OIT3: variants seen among roughly 807,000 people sequenced by gnomAD.
OIT3 encodes the protein oncoprotein-induced transcript 3 protein.
In OIT3, 41 loss-of-function variants were observed where a neutral mutation model predicts 52.2. That is an observed-to-expected ratio of 0.79 (90% CI 0.61 to 1.02). OIT3 has a LOEUF of 1.02. Among genes scored for constraint, OIT3 ranks in the 50% least tolerant of loss-of-function variants. The pLI is 0.00. For missense variants in OIT3, 634 were observed against 715.5 expected, an observed-to-expected ratio of 0.89 and a Z score of 1.30; for synonymous variants, 244 against 276.9, an observed-to-expected ratio of 0.88 and a Z score of 1.18.
At chr10:72,905,260 C>T (rs904336242) in intron 3 of OIT3, among the ~76,000 whole-genome samples, 5 of 152,150 alleles carry the variant, frequency 3.3e-5, no homozygotes, top group Middle Eastern at 3.2e-3. Context: ...CACTTGAGGT[C>T]AGGAGTTCAT....
At chr10:72,930,764 G>C in intron 8 of OIT3, 127 bp downstream of exon 8, 1 of 635,396 alleles carries the variant, frequency 1.6e-6, no homozygotes, top group South Asian at 2.0e-5. Flanking sequence ...GAGAAAAACA[G>C]AGAAACTGGC....
At chr10:72,922,494 T>G (rs1339379173) in intron 6 of OIT3, among the ~76,000 whole-genome samples, 2 of 152,174 alleles carry the variant, frequency 1.3e-5, no homozygotes, top group African/African-American at 4.8e-5. Flanking sequence ...TGCAATTGCA[T>G]TATGAAATTC....
At chr10:72,894,742 G>A (rs1845859567) in intron 1 of OIT3, among the ~76,000 whole-genome samples, 1 of 152,090 alleles carries the variant, frequency 6.6e-6, no homozygotes, top group African/African-American at 2.4e-5. Flanking sequence ...AAAAAAATTA[G>A]ATGGTCATGG....
At chr10:72,918,632 A>G (rs1256730329) in intron 6 of OIT3, 8 of 671,112 alleles carry the variant, frequency 1.2e-5, no homozygotes, top group Non-Finnish European at 2.1e-5. Flanking sequence ...ACACCAGGGT[A>G]CACTTAAGTT....
chr10:72,921,307 G>A (rs1846119360), intron 6 of OIT3, among the ~76,000 whole-genome samples: 1 of 152,210 alleles, frequency 6.6e-6, no homozygotes, highest in Admixed American at 6.5e-5. Flanking sequence ...TTGAGCCTAT[G>A]TGTATTTTTG....
At chr10:72,928,877 T>C (rs1230243597) in intron 7 of OIT3, among the ~76,000 whole-genome samples, 1 of 152,174 alleles carries the variant, frequency 6.6e-6, no homozygotes, top group Non-Finnish European at 1.5e-5. Flanking sequence ...TGGATTTTTT[T>C]AGGTGCACCA....
intron 4 of OIT3, among the ~76,000 whole-genome samples, chr10:72,908,313 G>C (rs1845998475): frequency 6.6e-6 from 1 of 152,098 alleles, no homozygotes; most frequent in Non-Finnish European, 1.5e-5. Flanking sequence ...TATATGGAGA[G>C]ATAAATGGTG....
At chr10:72,904,740 T>A (rs1227130817) in intron 3 of OIT3, among the ~76,000 whole-genome samples, 1 of 152,202 alleles carries the variant, frequency 6.6e-6, no homozygotes, top group African/African-American at 2.4e-5. Flanking sequence ...TCACAGTGGA[T>A]CATCCCTCAT....
At chr10:72,917,250 A>G (rs1425120110) in intron 6 of OIT3, among the ~76,000 whole-genome samples, 1 of 151,230 alleles carries the variant, frequency 6.6e-6, no homozygotes, top group African/African-American at 2.4e-5. Flanking sequence ...CTCTGTCTCC[A>G]ATGGTACTGC....
chr10:72,928,389 A>G (rs934211504), intron 7 of OIT3, among the ~76,000 whole-genome samples: 1 of 152,214 alleles, frequency 6.6e-6, no homozygotes, highest in African/African-American at 2.4e-5. Context: ...GTCTAGTCAC[A>G]GCAAACCCCA....
At chr10:72,896,992 C>T (rs1845880446) in intron 1 of OIT3, among the ~76,000 whole-genome samples, 1 of 152,158 alleles carries the variant, frequency 6.6e-6, no homozygotes, top group South Asian at 2.1e-4. Context: ...GTTCTTTAGT[C>T]ATTAAAATGT....
rs1387407803 is a variant in OIT3, at chr10:72,913,455, G to A, written c.938G>A (p.Gly313Asp). The A allele has an allele frequency of 1.9e-6, 3 of 1,607,982 alleles. No homozygotes were observed. The Admixed American group carries it at 5.0e-5, about 27-fold the overall frequency. Reference protein sequence around the residue: ...VNILFSLKTCGTVVDVVNDKI... With the variant: ...VNILFSLKTCDTVVDVVNDKI... Reference sequence around the variant, plus strand: ...ATCCTCTTCTCTCTCAAGACATGTGGTACAGTGGTCGATGTAGGTTCCTCC... The same window carrying A: ...ATCCTCTTCTCTCTCAAGACATGTGATACAGTGGTCGATGTAGGTTCCTCC... Residue 313 changes from glycine to aspartate, a missense_variant, in exon 6 of 9, where the codon GGT becomes GAT. Coordinates refer to ENST00000334011, the MANE Select transcript of OIT3 (RefSeq NM_152635.3).
chr10:72,908,786 CAGA>C (rs1361009185), intron 4 of OIT3, among the ~76,000 whole-genome samples: 4 of 151,886 alleles, frequency 2.6e-5, no homozygotes, highest in Non-Finnish European at 4.4e-5. Context: ...AATATTTTAG[CAGA>C]AGATGAAAAT....
chr10:72,915,424 C>T (rs1846064334), intron 6 of OIT3, among the ~76,000 whole-genome samples: 1 of 152,126 alleles, frequency 6.6e-6, no homozygotes, highest in Non-Finnish European at 1.5e-5. Context: ...AAGTATTGCT[C>T]CTAGGGGAAA....
At chr10:72,900,251 G>A (rs1203280730) in intron 2 of OIT3, 126 bp from the exon 3 acceptor site, 4 of 614,226 alleles carry the variant, frequency 6.5e-6, no homozygotes, top group Middle Eastern at 2.6e-4. Flanking sequence ...GAGCCCAGGG[G>A]TTCGAGGCCA....
At position 72,898,983 on chromosome 10, in the gene OIT3, C is replaced by T. The variant is rs1424632221; in HGVS notation, c.381C>T (p.Gly127=). The change falls in exon 2 of 9, where the codon GGC becomes GGT. Residue 127 remains glycine (G), a synonymous_variant. Transcript: ENST00000334011. The part of the protein sequence containing the change: ...TTVEVKACPG[G]YYVYRLTKPS... ...TGGAAGTCAAGGCTTGCCCTGGAGG[C>T]TACTATGTGTATCGTCTGACCAAGC... The T allele has an allele frequency of 6.2e-7, 1 of 1,614,072 alleles. No individual in the cohort carries two copies. Among genetic ancestry groups the T allele is most frequent in the Non-Finnish European group, 8.5e-7 (1 of 1,179,990 alleles).
intron 6 of OIT3, among the ~76,000 whole-genome samples, chr10:72,923,817 C>T (rs1370930132): frequency 6.6e-6 from 1 of 152,146 alleles, no homozygotes; most frequent in Non-Finnish European, 1.5e-5. Flanking sequence ...TTTGGACACC[C>T]CACAGGCTGG....
Position 72,932,351 on chromosome 10 carries a change from C to T in OIT3, c.1468-3C>T. On this transcript the variant is annotated splice_polypyrimidine_tract_variant and splice_region_variant and intron_variant, in intron 8 of 8. Transcript: ENST00000334011. ...TTATTAACAGTCGTGATCATCTCTT[C>T]AGGAAGTGTTTCTGCACTGCCGGGT... The T allele has an allele frequency of 6.2e-7, 1 of 1,614,014 alleles. No homozygotes were observed. Among genetic ancestry groups the T allele is most frequent in the Non-Finnish European group, 8.5e-7 (1 of 1,179,850 alleles).
At chr10:72,908,567 G>A (rs1224387776) in intron 4 of OIT3, among the ~76,000 whole-genome samples, 1 of 152,088 alleles carries the variant, frequency 6.6e-6, no homozygotes, top group Non-Finnish European at 1.5e-5. Context: ...CTTATAATAA[G>A]TCTAAATGTA....
Sources: allele counts gnomAD v4.1 joint callset (sites outside exome capture counted in the v4.1 genomes callset), GRCh38; gene constraint gnomAD v4.1.1; transcripts MANE v1.5; gene names NCBI Gene and HGNC (gene_info 2026-07-23, HGNC 2026-07-21).